The following BEST1 variants were observed in gnomAD, a reference collection of about 807,000 sequenced individuals.
BEST1 encodes the protein bestrophin 1.
Under a neutral mutation model 63.3 loss-of-function variants are expected in BEST1, and 58 were observed. The observed-to-expected ratio is 0.92, with a 90% CI of 0.74 to 1.14. BEST1 has a LOEUF of 1.14. BEST1 is among the 50% of genes most tolerant of loss of function. The pLI, the probability that BEST1 is intolerant of heterozygous loss-of-function variation, is 0.00. For missense variants in BEST1, 671 were observed against 740.1 expected, an observed-to-expected ratio of 0.91 and a Z score of 1.08; for synonymous variants, 283 against 291.6, an observed-to-expected ratio of 0.97 and a Z score of 0.30.
downstream of BEST1, chr11:61,964,489 A>C: frequency 1.3e-5 from 8 of 628,408 alleles, no homozygotes; most frequent in East Asian, 2.2e-4. Flanking sequence ...ATTAGAACTG[A>C]ACAACGGCAC....
chr11:61,963,872 G>T, intron 10 of BEST1: 1 of 1,334,884 alleles, frequency 7.5e-7, no homozygotes, highest in Non-Finnish European at 9.8e-7. Context: ...GGGCGTCGTG[G>T]TGTGCCTGTA....
intron 10 of BEST1, chr11:61,963,601 T>A: frequency 6.8e-6 from 7 of 1,025,522 alleles, no homozygotes; most frequent in Non-Finnish European, 7.0e-6. Context: ...TTTTCTGGAT[T>A]CTCAAGCAGT....
At chr11:61,957,302 C>T in intron 5 of BEST1, 85 bp from the exon 6 acceptor site, 3 of 1,277,152 alleles carry the variant, frequency 2.3e-6, no homozygotes, top group Non-Finnish European at 3.4e-6. Context: ...GGTACCAGGC[C>T]CTGGTACCTG....
intron 4 of BEST1, 102 bp downstream of exon 4, chr11:61,956,053 G>A: frequency 8.4e-7 from 1 of 1,197,492 alleles, no homozygotes; most frequent in Non-Finnish European, 1.2e-6. Flanking sequence ...CCCCGGACTC[G>A]GGGGATTGGG....
At chr11:61,950,297 C>T (rs1394487642), upstream of BEST1, 1 of 152,838 alleles carries the variant, frequency 6.5e-6, no homozygotes, top group African/African-American at 2.4e-5. Context: ...GTGACGGCGG[C>T]TCAGCACTCA....
downstream of BEST1, chr11:61,964,638 T>C (rs915596954): frequency 1.5e-5 from 20 of 1,366,890 alleles, 1 homozygote; most frequent in South Asian, 1.2e-4. Flanking sequence ...GTACAACTTA[T>C]AGAAAAGGTA....
At chr11:61,959,178 A>G (rs911346966) in intron 7 of BEST1, 1 of 419,418 alleles carries the variant, frequency 2.4e-6, no homozygotes, top group East Asian at 5.2e-5. Flanking sequence ...TCTCTGTTGC[A>G]TGAATGAATA....
Position 61,960,000 on chromosome 11 carries a change from C to T in BEST1, c.1057C>T (p.Gln353Ter). 6.2e-7 allele frequency: 1 copy of T among 1,611,698 alleles called. No homozygotes were observed. Among genetic ancestry groups the T allele is most frequent in the Non-Finnish European group, 8.5e-7 (1 of 1,179,146 alleles). The change falls in exon 9 of 11, where the codon CAG becomes TAG. Residue 353 changes from glutamine to a stop codon, truncating the protein, a stop_gained. Coordinates refer to ENST00000378043, the MANE Select transcript of BEST1 (RefSeq NM_004183.4). LOFTEE classifies it high-confidence loss of function. ...PQPPYTAASA[Q>*]FRRASFMGST... ...GCCCCCCTACACAGCTGCTTCCGCC[C>T]AGTTCCGTCGAGCCTCCTTTATGGG...
In BEST1 at chr11:61,960,040, TCAGGTGTGGC is replaced by T. The variant is rs1941898895; in HGVS notation, c.1100+1_1100+10del. The T allele has an allele frequency of 3.7e-6, 6 of 1,607,820 alleles. No individual in the cohort carries two copies. The highest frequency in any genetic ancestry group is 5.1e-6 in the Non-Finnish European group (6 of 1,177,790). ...TCCTTTATGGGCTCCACCTTCAACA[TCAGGTGTGGC>T]CAGAGCCAGGGGGCTGGGTGGGAAG... is the stretch of plus-strand genomic sequence containing the variant. On this transcript the variant is annotated splice_donor_variant and splice_donor_5th_base_variant and coding_sequence_variant and intron_variant, in exon 9 of 11. Transcript: ENST00000378043. LOFTEE classifies it high-confidence loss of function.
intron 1 of BEST1, among the ~76,000 whole-genome samples, chr11:61,951,197 ATTAT>A (rs112769638): frequency 6.6e-6 from 1 of 151,398 alleles, no homozygotes; most frequent in Non-Finnish European, 1.5e-5. Flanking sequence ...TTGTCATTGT[ATTAT>A]TTATTTATTT....
In BEST1 at chr11:61,957,383, C is replaced by G. The variant is rs1326935728; in HGVS notation, c.637-4C>G. The G allele has an allele frequency of 6.2e-7, 1 of 1,613,764 alleles. No individual in the cohort carries two copies. The highest frequency in any genetic ancestry group is 8.5e-7 in the Non-Finnish European group (1 of 1,179,698). On this transcript the variant is annotated splice_region_variant and splice_polypyrimidine_tract_variant and intron_variant, in intron 5 of 10. Transcript: ENST00000378043. ...GAACCCCATCCCCCTCTTCTGCCCC[C>G]CAGGAGATGAACACCTTGCGTACTC... is the stretch of plus-strand genomic sequence containing the variant.
At chr11:61,955,320 G>A in intron 3 of BEST1, 119 bp downstream of exon 3, 16 of 1,556,656 alleles carry the variant, frequency 1.0e-5, no homozygotes, top group Non-Finnish European at 1.3e-5. Context: ...GAACGCCAGC[G>A]GCAGGTCGGC....
chr11:61,954,229 C>T (rs1163589105), intron 2 of BEST1, among the ~76,000 whole-genome samples: 1 of 152,082 alleles, frequency 6.6e-6, no homozygotes, highest in East Asian at 1.9e-4. Flanking sequence ...TGCCCCCAGC[C>T]TCCCCACTAT....
In BEST1 at chr11:61,960,021, A is replaced by G. The variant is rs746149795; in HGVS notation, c.1078A>G (p.Met360Val). The change falls in exon 9 of 11, where the codon ATG (methionine) becomes GTG (valine). Residue 360 changes from methionine to valine, a missense_variant. Transcript: ENST00000378043. ...ASAQFRRASF[M>V]GSTFNISLNK... is the part of the protein sequence containing the mutation. ...CGCCCAGTTCCGTCGAGCCTCCTTT[A>G]TGGGCTCCACCTTCAACATCAGGTG... 1.2e-6 allele frequency: 2 copies of G among 1,609,788 alleles called. No individual in the cohort carries two copies. Among genetic ancestry groups the G allele is most frequent in the Admixed American group, 3.3e-5 (2 of 59,702 alleles).
intron 9 of BEST1, chr11:61,960,405 C>G: frequency 3.1e-6 from 1 of 327,368 alleles, no homozygotes; most frequent in Non-Finnish European, 5.9e-6. Context: ...GTATCTCGCT[C>G]TGTCGCCCAG....
At chr11:61,965,349 C>G, downstream of BEST1, 2 of 1,592,848 alleles carry the variant, frequency 1.3e-6, no homozygotes, top group Middle Eastern at 2.1e-4. Context: ...AGTATGACAC[C>G]CCTAGGATCT....
At chr11:61,951,398 A>C (rs541636132) in intron 1 of BEST1, among the ~76,000 whole-genome samples, 2 of 152,156 alleles carry the variant, frequency 1.3e-5, no homozygotes, top group East Asian at 1.9e-4. Context: ...TAGTAGAGAC[A>C]GGGTTTCACC....
At chr11:61,952,089 A>G (rs1238577489) in intron 2 of BEST1, 131 bp downstream of exon 2, 2 of 1,177,134 alleles carry the variant, frequency 1.7e-6, no homozygotes, top group African/African-American at 3.0e-5. Context: ...GCTCCTGACC[A>G]GGTCCTGGGC....
chr11:61,951,197 A>ATTAT (rs112769638), intron 1 of BEST1, among the ~76,000 whole-genome samples: 5,204 of 151,486 alleles, frequency 0.034, 206 homozygotes, highest in African/African-American at 0.1. Context: ...TTGTCATTGT[A>ATTAT]TTATTTATTT....
Sources: allele counts gnomAD v4.1 joint callset (sites outside exome capture counted in the v4.1 genomes callset), GRCh38; gene constraint gnomAD v4.1.1; transcripts MANE v1.5; gene names NCBI Gene and HGNC (gene_info 2026-07-23, HGNC 2026-07-21).